The following PTPRT variants were observed in gnomAD, a reference collection of about 807,000 sequenced individuals.
PTPRT encodes protein tyrosine phosphatase receptor type T, also known as receptor-type tyrosine-protein phosphatase T.
A neutral mutation model predicts 176.8 loss-of-function variants in PTPRT; 56 were observed. The observed-to-expected ratio is 0.32, with a 90% CI of 0.26 to 0.40. The LOEUF (loss-of-function observed/expected upper bound fraction) is 0.40, where lower values mean the gene tolerates loss of function less well. Ranked by LOEUF, PTPRT falls within the 10% of genes least tolerant of loss-of-function variation. The pLI, the probability that PTPRT is intolerant of heterozygous loss-of-function variation, is 1.00. For missense variants in PTPRT, 1,540 were observed against 1,908.2 expected (o/e 0.81, Z 3.60); for synonymous variants, 783 against 739.0 (o/e 1.06, Z -0.96).
intron 6 of PTPRT, among the ~76,000 whole-genome samples, chr20:42,748,451 A>G (rs78597425): frequency 0.032 from 4,805 of 152,182 alleles, 141 homozygotes; most frequent in South Asian, 0.059. Flanking sequence ...CTCCCTATAC[A>G]AGCACAGAGC....
At chr20:42,397,248 T>G in intron 9 of PTPRT, among the ~76,000 whole-genome samples, 1 of 152,342 alleles carries the variant, frequency 6.6e-6, no homozygotes, top group South Asian at 2.1e-4. Flanking sequence ...CAATTTTTTG[T>G]TTTTGTGAAA....
downstream of PTPRT, among the ~76,000 whole-genome samples, chr20:42,069,710 A>G (rs573872590): frequency 6.6e-6 from 1 of 152,268 alleles, no homozygotes. Flanking sequence ...TATTCAATTT[A>G]TTTTCTCTAT....
intron 2 of PTPRT, among the ~76,000 whole-genome samples, chr20:42,808,505 G>A (rs1358989812): frequency 6.6e-6 from 1 of 152,144 alleles, no homozygotes; most frequent in East Asian, 1.9e-4. Context: ...ACTGGTGAGA[G>A]GGGATGTGGA....
chr20:42,460,832 CT>C (rs2071006169), intron 8 of PTPRT, among the ~76,000 whole-genome samples: 1 of 152,154 alleles, frequency 6.6e-6, no homozygotes, highest in African/African-American at 2.4e-5. Context: ...TCAATTAAAG[CT>C]CTTTCCTTTA....
intron 4 of PTPRT, 93 bp from the exon 5 acceptor site, chr20:42,771,643 C>G (rs556122619): frequency 1.4e-5 from 14 of 966,742 alleles, no homozygotes. Flanking sequence ...GGGCACTGGG[C>G]AGGGTGGAAC....
intron 1 of PTPRT, among the ~76,000 whole-genome samples, chr20:43,079,512 T>C (rs1256268653): frequency 2.0e-5 from 3 of 152,158 alleles, no homozygotes; most frequent in African/African-American, 7.2e-5. Context: ...CAACACTAAG[T>C]CTTCCTTCCT....
At chr20:42,622,385 G>A (rs2074215396) in intron 7 of PTPRT, among the ~76,000 whole-genome samples, 1 of 152,056 alleles carries the variant, frequency 6.6e-6, no homozygotes, top group African/African-American at 2.4e-5. Flanking sequence ...GGGACTACAG[G>A]CACCCGCCAA....
intron 1 of PTPRT, among the ~76,000 whole-genome samples, chr20:43,118,039 A>G (rs1215528375): frequency 6.6e-6 from 1 of 152,184 alleles, no homozygotes; most frequent in Non-Finnish European, 1.5e-5. Context: ...TTCAGAAATA[A>G]ATATTTTGTG....
At chr20:42,191,939 G>A (rs1366670737) in intron 16 of PTPRT, among the ~76,000 whole-genome samples, 4 of 152,138 alleles carry the variant, frequency 2.6e-5, no homozygotes, top group African/African-American at 9.7e-5. Context: ...ATGGGCCAGA[G>A]AGTTGGGCAA....
chr20:42,953,175 C>T (rs1385443425), intron 1 of PTPRT, among the ~76,000 whole-genome samples: 1 of 152,178 alleles, frequency 6.6e-6, no homozygotes, highest in Non-Finnish European at 1.5e-5. Context: ...AATGACAGCT[C>T]CCTTGAGTAG....
intron 9 of PTPRT, among the ~76,000 whole-genome samples, chr20:42,430,387 G>C (rs528002724): frequency 1.3e-5 from 2 of 152,196 alleles, no homozygotes; most frequent in Admixed American, 1.3e-4. Context: ...TGGGGATCTT[G>C]TAACAGTGCA....
In PTPRT at chr20:42,141,957, C is replaced by T. The variant is rs761441812; in HGVS notation, c.2728G>A (p.Asp910Asn). The change falls in exon 18 of 31, where the codon GAT (aspartate) becomes AAT (asparagine). Residue 910 changes from aspartate to asparagine, a missense_variant. Asp to Asn is a conservative substitution (Grantham distance 23, BLOSUM62 1). This residue lies in a region of PTPRT where 248 missense variants were observed against 356.7 expected (regional missense o/e 0.70). Coordinates refer to ENST00000373187, the MANE Select transcript of PTPRT (RefSeq NM_007050.6). Reference sequence around the variant, plus strand: ...TATCGATTCTTATTGCGGTTTTCATCCTCCTTGGCTGTGTCCCACGAAGCT... The same window carrying T: ...TATCGATTCTTATTGCGGTTTTCATTCTCCTTGGCTGTGTCCCACGAAGCT... ...QTASWDTAKE[D>N]ENRNKNRYGN... The T allele has an allele frequency of 1.9e-6, 3 of 1,614,152 alleles. No homozygotes were observed. The highest frequency in any genetic ancestry group is 1.1e-5 in the South Asian group (1 of 91,086).
intron 11 of PTPRT, among the ~76,000 whole-genome samples, chr20:42,317,408 C>G (rs769369393): frequency 4.6e-5 from 7 of 152,146 alleles, no homozygotes; most frequent in Non-Finnish European, 1.0e-4. Flanking sequence ...AAATGCTCTT[C>G]TTTTAGAAGA....
chr20:42,804,296 C>A (rs1283478608), intron 2 of PTPRT, among the ~76,000 whole-genome samples: 3 of 152,160 alleles, frequency 2.0e-5, no homozygotes, highest in Non-Finnish European at 4.4e-5. Flanking sequence ...CTCCCCTGTC[C>A]CACTTTTTGT....
chr20:42,113,834 C>T (rs909874920), intron 22 of PTPRT, among the ~76,000 whole-genome samples: 19 of 152,220 alleles, frequency 1.2e-4, no homozygotes, highest in Non-Finnish European at 2.2e-4. Context: ...TTTCCTTCCT[C>T]TTAGTGGAGG....
chr20:42,476,522 G>A (rs1568914208), intron 7 of PTPRT, among the ~76,000 whole-genome samples: 1 of 152,184 alleles, frequency 6.6e-6, no homozygotes, highest in East Asian at 1.9e-4. Flanking sequence ...AGAGGCAAAG[G>A]AACCTTGGAA....
At position 42,084,837 on chromosome 20, in the gene PTPRT, A is replaced by G; in HGVS notation, c.3981T>C (p.Asp1327=). ...FRICNMARPQ[D]GYRIVQHLQY... ...GGAGGTGCTGGACTATACGATAACC[A>G]TCCTGTGGCTGAGAACAGAGAGGCT... is the stretch of plus-strand genomic sequence containing the variant. The change falls in exon 29 of 31, where the codon GAT becomes GAC. Residue 1327 remains aspartate (D), a synonymous_variant. Coordinates refer to ENST00000373187, the MANE Select transcript of PTPRT (RefSeq NM_007050.6). 5 of 1,434,156 alleles carry G rather than the reference A, an allele frequency of 3.5e-6. No homozygotes were observed. The highest frequency in any genetic ancestry group is 3.7e-6 in the Non-Finnish European group (4 of 1,076,886). The allele number at this position is 1,434,156 out of a possible 1,614,324, so 88.8% of individuals were successfully genotyped here. A position where few individuals can be genotyped will look rare whatever the true frequency, so the allele number is the denominator to read the frequency against.
At chr20:42,126,075 G>A (rs55978324) in intron 19 of PTPRT, among the ~76,000 whole-genome samples, 44,077 of 150,972 alleles carry the variant, frequency 0.29, 6,822 homozygotes, top group Non-Finnish European at 0.33. Flanking sequence ...AGCCATTCAG[G>A]TCTGGTTCCC....
chr20:42,337,628 A>T (rs1360844584), intron 11 of PTPRT, among the ~76,000 whole-genome samples: 1 of 152,110 alleles, frequency 6.6e-6, no homozygotes, highest in Admixed American at 6.5e-5. Flanking sequence ...CATCTCCTGG[A>T]GGACATGTTA....
Sources: gnomAD v4.1 joint callset for allele counts (sites outside exome capture counted in the v4.1 genomes callset) on GRCh38, gnomAD v4.1.1 for gene constraint, gnomAD v4.1.1 regional missense constraint, MANE v1.5 for transcripts, NCBI Gene and HGNC (gene_info 2026-07-23, HGNC 2026-07-21) for gene names.